Variants in ALDH3A1 observed in about 807,000 individuals in gnomAD.
ALDH3A1 encodes aldehyde dehydrogenase 3 family member A1.
In ALDH3A1, 46 loss-of-function variants were observed where a neutral mutation model predicts 49.9. That is an observed-to-expected ratio of 0.92 (90% confidence interval 0.73 to 1.18). The LOEUF (loss-of-function observed/expected upper bound fraction) is 1.18. Ranked by LOEUF, ALDH3A1 falls within the 50% of genes most tolerant of loss-of-function variation. ALDH3A1 has a pLI of 0.00. For synonymous variants in ALDH3A1, 269 were observed against 253.3 expected (o/e 1.06, Z -0.59); for missense variants, 592 against 611.8 (o/e 0.97, Z 0.34).
chr17:19,740,490 G>C lies in ALDH3A1; in HGVS notation c.808-13C>G. 1.2e-6 allele frequency: 2 copies of C among 1,613,612 alleles called. No homozygotes were observed. Among genetic ancestry groups the C allele is most frequent in the Middle Eastern group, 1.7e-4 (1 of 6,060 alleles). Reference sequence around the variant, plus strand: ...CCCCGTAGAACTCCTGTGGAGAAGAGGTGGGGGCTTCGGGTAAGGACGCAG... The same window carrying C: ...CCCCGTAGAACTCCTGTGGAGAAGACGTGGGGGCTTCGGGTAAGGACGCAG... On this transcript the variant is annotated splice_polypyrimidine_tract_variant and intron_variant, in intron 6 of 10. Transcript: ENST00000225740.
intron 5 of ALDH3A1, chr17:19,741,440 G>A (rs2086490660): frequency 2.1e-6 from 1 of 485,360 alleles, no homozygotes; most frequent in East Asian, 3.6e-5. Context: ...TCTGTTGAGG[G>A]CAACCTCCGT....
intron 2 of ALDH3A1, 68 bp downstream of exon 2, chr17:19,744,900 A>ACC (rs1567655690): frequency 1.1e-3 from 286 of 271,260 alleles, no homozygotes; most frequent in East Asian, 4.9e-3. Context: ...CACTCTCCCC[A>ACC]GCCCCTCCCC....
chr17:19,740,058 C>T, intron 7 of ALDH3A1: 1 of 479,810 alleles, frequency 2.1e-6, no homozygotes, highest in African/African-American at 1.9e-5. Context: ...CCTGGGGCTC[C>T]TGTGGCTTCT....
At position 19,743,658 on chromosome 17, in the gene ALDH3A1, T is replaced by C. The variant is rs2086544885; in HGVS notation, c.163-195A>G. On this transcript the variant is annotated intron_variant, in intron 2 of 10. Coordinates refer to ENST00000225740, the MANE Select transcript of ALDH3A1 (RefSeq NM_000691.5). The surrounding 1 kb of genome is among the most constrained non-coding windows in gnomAD (Gnocchi z 4.4). ...GGACCTGTGGGTCTGAGAGGACCCC[T>C]TTCTGCCAGAGGGGGGCCCAGGTAG... 1.0e-6 allele frequency: 1 copy of C among 985,236 alleles called. No individual in the cohort carries two copies. The highest frequency in any genetic ancestry group is 1.2e-6 in the Non-Finnish European group (1 of 829,836). 61.0% of individuals were successfully genotyped at this position (985,236 alleles called of 1,614,324 possible). A position where few individuals can be genotyped will look rare whatever the true frequency, so the allele number is the denominator to read the frequency against.
intron 2 of ALDH3A1, 73 bp downstream of exon 2, chr17:19,744,895 T>TGCC: frequency 1.6e-4 from 152 of 924,058 alleles, no homozygotes; most frequent in Middle Eastern, 3.6e-4. Context: ...GGTCGCACTC[T>TGCC]CCCCAGCCCC....
chr17:19,738,952 C>A (rs966174712), intron 9 of ALDH3A1, 44 bp downstream of exon 9: 16 of 1,552,178 alleles, frequency 1.0e-5, no homozygotes, highest in Non-Finnish European at 1.4e-5. Flanking sequence ...GTGTGCCCAG[C>A]CCTGGGGCCC....
In ALDH3A1 at chr17:19,739,010, G is replaced by T; in HGVS notation, c.1202C>A (p.Pro401His). 3 of 1,613,648 alleles carry T rather than the reference G, an allele frequency of 1.9e-6. No individual in the cohort carries two copies. Among genetic ancestry groups the T allele is most frequent in the Non-Finnish European group, 2.5e-6 (3 of 1,179,966 alleles). The change falls in exon 9 of 11, where the codon CCC (proline) becomes CAC (histidine). Residue 401 changes from proline to histidine, a missense_variant. Transcript: ENST00000225740. ...CCCAGACTCACCCACGCCCCCGAAG[G>T]GCAGAGAGTGCAAGGTGATGTGGAC... ...VIVHITLHSL[P>H]FGGVGNSGMG... is the part of the protein sequence containing the mutation.
chr17:19,741,799 C>T (rs894144370), intron 5 of ALDH3A1, among the ~76,000 whole-genome samples: 2 of 152,136 alleles, frequency 1.3e-5, no homozygotes, highest in African/African-American at 4.8e-5. Context: ...CTCTCCCCCT[C>T]CAGGAAGCCT....
intron 2 of ALDH3A1, chr17:19,744,755 G>T: frequency 2.9e-6 from 4 of 1,367,214 alleles, no homozygotes; most frequent in Non-Finnish European, 3.8e-6. Context: ...CGGAGGCCGG[G>T]CCAGGAGGAA....
At chr17:19,747,443 C>T (rs183547957) in intron 1 of ALDH3A1, among the ~76,000 whole-genome samples, 34 of 152,330 alleles carry the variant, frequency 2.2e-4, no homozygotes, top group Admixed American at 1.9e-3. Context: ...CTCTCCCGAG[C>T]CTTGTACGGT....
Position 19,743,194 on chromosome 17 carries a change from G to T in ALDH3A1, c.394+38C>A. The stretch of plus-strand genomic sequence containing the variant: ...CTGGCTTGGCTCCACGCTGGGGGAC[G>T]GTGCTCCCCCAGCTTCCCTTCCCAC... On this transcript the variant is annotated intron_variant, in intron 3 of 10. Transcript: ENST00000225740. The surrounding 1 kb of genome is among the most constrained non-coding windows in gnomAD (Gnocchi z 4.4). The T allele has an allele frequency of 6.2e-7, 1 of 1,610,060 alleles. No homozygotes were observed. The highest frequency in any genetic ancestry group is 8.5e-7 in the Non-Finnish European group (1 of 1,178,758).
chr17:19,743,905 G>C lies in ALDH3A1; in HGVS notation c.163-442C>G, dbSNP rs2086551134. On this transcript the variant is annotated intron_variant, in intron 2 of 10. Coordinates refer to ENST00000225740, the MANE Select transcript of ALDH3A1 (RefSeq NM_000691.5). The surrounding 1 kb of genome is among the most constrained non-coding windows in gnomAD (Gnocchi z 4.4). The stretch of plus-strand genomic sequence containing the variant: ...CAGGCCCTTTAGTTGTCTGGAGGGG[G>C]ATGCAGGACCAAGGGCTGCTGGGCG... 3.0e-6 allele frequency: 3 copies of C among 985,124 alleles called. No homozygotes were observed. The highest frequency in any genetic ancestry group is 6.2e-5 in the Admixed American group (1 of 16,252). The allele number at this position is 985,124 out of a possible 1,614,324, so 61.0% of individuals were successfully genotyped here.
intron 4 of ALDH3A1, 86 bp downstream of exon 4, chr17:19,742,459 G>A: frequency 6.9e-7 from 1 of 1,455,734 alleles, no homozygotes; most frequent in Non-Finnish European, 9.4e-7. Flanking sequence ...CTTGCTGCAA[G>A]AATTCACTAT....
chr17:19,738,085 A>C lies in ALDH3A1; in HGVS notation c.*136T>G. 1 of 1,579,654 alleles carries C rather than the reference A, an allele frequency of 6.3e-7. No homozygotes were observed. The highest frequency in any genetic ancestry group is 1.1e-5 in the South Asian group (1 of 88,422). ...GCCCATGTGGGAGTGGGGTGTGCAC[A>C]GGTCAGCAGGTCAGCAGAGGAGTGG... On this transcript the variant is annotated 3_prime_UTR_variant, in exon 11 of 11. Coordinates refer to ENST00000225740, the MANE Select transcript of ALDH3A1 (RefSeq NM_000691.5).
rs1409397635 is a variant in ALDH3A1, at chr17:19,740,535, G to T, written c.808-58C>A. 1.0e-5 allele frequency: 16 copies of T among 1,594,742 alleles called. No individual in the cohort carries two copies. In the East Asian group the frequency reaches 1.3e-4, roughly 13 times the overall value. On this transcript the variant is annotated intron_variant, in intron 6 of 10. Transcript: ENST00000225740. ...ACGCAGAGCCTCGTCCTGCCCAAAG[G>T]CTGCACAGACACAGGCCAGCAGTGT...
rs1447409118 is a variant in ALDH3A1, at chr17:19,748,141, C to T, written c.-6+118G>A. 3 of 328,470 alleles carry T rather than the reference C, an allele frequency of 9.1e-6. No homozygotes were observed. Among genetic ancestry groups the T allele is most frequent in the Middle Eastern group, 7.7e-4 (1 of 1,296 alleles). The allele number at this position is 328,470 out of a possible 1,614,324, so 20.3% of individuals were successfully genotyped here. On this transcript the variant is annotated intron_variant, in intron 1 of 10. Transcript: ENST00000225740. The surrounding 1 kb of genome is among the most constrained non-coding windows in gnomAD (Gnocchi z 4.4). ...GAGGATGCTCCAGAGATGATGGTCC[C>T]AGAGGCAGGGACCCCCTGGAGAGAT...
At chr17:19,742,877 T>C in intron 3 of ALDH3A1, 2 of 1,529,546 alleles carry the variant, frequency 1.3e-6, no homozygotes, top group South Asian at 1.2e-5. Flanking sequence ...GCTGAGATGT[T>C]GGAGGAAAAG....
Position 19,745,094 on chromosome 17 carries a change from G to T in ALDH3A1, c.36C>A (p.Arg12=). The T allele has an allele frequency of 6.3e-7, 1 of 1,590,334 alleles. No homozygotes were observed. The highest frequency in any genetic ancestry group is 8.5e-7 in the Non-Finnish European group (1 of 1,174,428). Residue 12 remains arginine (R), a synonymous_variant, in exon 2 of 11, where the codon CGC becomes CGA. Coordinates refer to ENST00000225740, the MANE Select transcript of ALDH3A1 (RefSeq NM_000691.5). ...SKISEAVKRA[R]AAFSSGRTRP... is the part of the protein sequence containing the mutation. ...GGGTCCTGCCCGAGCTGAAGGCGGC[G>T]CGGGCGCGCTTCACGGCCTCGCTGA...
In ALDH3A1 at chr17:19,741,203, C is replaced by T. The variant is rs140108064; in HGVS notation, c.697G>A (p.Ala233Thr). The change falls in exon 6 of 11, where the codon GCC (alanine) becomes ACC (threonine). Residue 233 changes from alanine to threonine, a missense_variant. Ala to Thr is a moderately conservative substitution (Grantham distance 58). Coordinates refer to ENST00000225740, the MANE Select transcript of ALDH3A1 (RefSeq NM_000691.5). Reference sequence around the variant, plus strand: ...CCACTGTTCATGAATTTCCCCCAGGCGATGCGTCTGTGAGAATCCCAGACT... The same window carrying T: ...CCACTGTTCATGAATTTCCCCCAGGTGATGCGTCTGTGAGAATCCCAGACT... Reference protein sequence around the residue: ...CDLDVACRRIAWGKFMNSGQT... With the variant: ...CDLDVACRRITWGKFMNSGQT... The T allele has an allele frequency of 1.4e-4, 232 of 1,613,712 alleles. No individual in the cohort carries two copies. In the African/African-American group the frequency reaches 2.7e-3, roughly 18 times the overall value.
Sources: gnomAD v4.1 joint callset for allele counts (sites outside exome capture counted in the v4.1 genomes callset) on GRCh38, gnomAD v4.1.1 for gene constraint, Gnocchi (gnomAD v3.1) non-coding constraint, MANE v1.5 for transcripts, NCBI Gene and HGNC (gene_info 2026-07-23, HGNC 2026-07-21) for gene names.